Variants in ZNF549 observed in about 807,000 individuals in gnomAD.
ZNF549 encodes the protein zinc finger protein 549.
In ZNF549, 11 loss-of-function variants were observed where a neutral mutation model predicts 11.1. The ratio of observed to expected loss-of-function variants is 0.99; its 90% confidence interval spans 0.62 to 1.64. The LOEUF is 1.64. ZNF549 is among the 40% of genes most tolerant of loss of function. The pLI, the probability that ZNF549 is intolerant of heterozygous loss-of-function variation, is 0.00. For synonymous variants in ZNF549, 266 were observed against 269.1 expected, an observed-to-expected ratio of 0.99 and a Z score of 0.11; for missense variants, 748 against 765.1, an observed-to-expected ratio of 0.98 and a Z score of 0.26.
In ZNF549 at chr19:57,532,241, T is replaced by C. The variant is rs1319432336; in HGVS notation, c.72+1133T>C. ...AGATGTGTTTTATAACTGTGTATTG[T>C]AAACTGGGGAGTAAATGCCCTTCGT... On this transcript the variant is annotated intron_variant, in intron 2 of 3. Transcript: ENST00000376233. Among the ~76,000 whole-genome samples the C allele has an allele frequency of 3.9e-5, 6 of 152,322 alleles. No individual in the cohort carries two copies. In the East Asian group the frequency reaches 1.2e-3, roughly 29 times the overall value.
At chr19:57,536,863 G>A (rs73573432) in intron 3 of ZNF549, among the ~76,000 whole-genome samples, 2,220 of 152,302 alleles carry the variant, frequency 0.015, 51 homozygotes, top group African/African-American at 0.052. Context: ...GCTGAGGTGG[G>A]AGGATCACTT....
At position 57,539,673 on chromosome 19, in the gene ZNF549, G is replaced by A. The variant is rs1234665670; in HGVS notation, c.*746G>A. The A allele has an allele frequency of 6.6e-6, 1 of 152,136 alleles. No homozygotes were observed. Among genetic ancestry groups the A allele is most frequent in the Non-Finnish European group, 1.5e-5 (1 of 68,022 alleles). The allele number at this position is 152,136 out of a possible 1,614,324, so 9.4% of individuals were successfully genotyped here. A position where few individuals can be genotyped will look rare whatever the true frequency, so the allele number is the denominator to read the frequency against. ...GGCATTTGTGACAAACTCAAGTGCT[G>A]GGACCTGCATGAATTGTTTATTTGC... On this transcript the variant is annotated 3_prime_UTR_variant, in exon 4 of 4. Transcript: ENST00000376233.
chr19:57,532,074 TTTC>T (rs1401285155), intron 2 of ZNF549, among the ~76,000 whole-genome samples: 1 of 152,232 alleles, frequency 6.6e-6, no homozygotes, highest in African/African-American at 2.4e-5. Flanking sequence ...ATCTTGAGTA[TTTC>T]TTCTTTGTTC....
At chr19:57,536,501 T>C (rs1181627108) in intron 3 of ZNF549, among the ~76,000 whole-genome samples, 4 of 152,230 alleles carry the variant, frequency 2.6e-5, no homozygotes, top group Non-Finnish European at 4.4e-5. Context: ...AGTTCAACCA[T>C]TATAAATCAA....
chr19:57,535,842 CAG>C, intron 3 of ZNF549, among the ~76,000 whole-genome samples: 1 of 152,176 alleles, frequency 6.6e-6, no homozygotes, highest in East Asian at 1.9e-4. Context: ...AAGCTGGGGA[CAG>C]GGGAGAGGCC....
chr19:57,538,720 C>G lies in ZNF549; in HGVS notation c.1716C>G (p.Leu572=), dbSNP rs753469468. 4 of 1,614,096 alleles carry G rather than the reference C, an allele frequency of 2.5e-6. No individual in the cohort carries two copies. ...AATGCTTTAGACACCGCACCAGCCT[C>G]ATTCAACACCAGAAAGTTCACAGTG... ...CGKCFRHRTS[L]IQHQKVHSGE... is the part of the protein sequence containing the mutation. Residue 572 remains leucine, a synonymous_variant, in exon 4 of 4, where the codon CTC becomes CTG. Transcript: ENST00000376233.
In ZNF549 at chr19:57,539,148, G is replaced by A. The variant is rs559602438; in HGVS notation, c.*221G>A. The A allele has an allele frequency of 3.8e-4, 196 of 514,420 alleles. No individual in the cohort carries two copies. Among genetic ancestry groups the A allele is most frequent in the Admixed American group, 7.7e-4 (23 of 30,050 alleles). 31.9% of individuals were successfully genotyped at this position (514,420 alleles called of 1,614,324 possible). A position where few individuals can be genotyped will look rare whatever the true frequency, so the allele number is the denominator to read the frequency against. ...CACTACCATGTGGCATATCCTCACC[G>A]TTTTCATCAGTCACTCACATGTGCT... is the stretch of plus-strand genomic sequence containing the variant. On this transcript the variant is annotated 3_prime_UTR_variant, in exon 4 of 4. Coordinates refer to ENST00000376233, the MANE Select transcript of ZNF549 (RefSeq NM_001199295.2).
Position 57,539,051 on chromosome 19 carries a change from A to T in ZNF549, c.*124A>T. 8.7e-7 allele frequency: 1 copy of T among 1,154,446 alleles called. No individual in the cohort carries two copies. Among genetic ancestry groups the T allele is most frequent in the Non-Finnish European group, 1.2e-6 (1 of 827,976 alleles). 71.5% of individuals were successfully genotyped at this position (1,154,446 alleles called of 1,614,324 possible). On this transcript the variant is annotated 3_prime_UTR_variant, in exon 4 of 4. Coordinates refer to ENST00000376233, the MANE Select transcript of ZNF549 (RefSeq NM_001199295.2). ...CATATCACTAGTTGAAAGATTCACT[A>T]CAAGGTCCAAGTACTTGGGAAGCTT...
chr19:57,535,978 A>T (rs1434355577), intron 3 of ZNF549, among the ~76,000 whole-genome samples: 2 of 151,998 alleles, frequency 1.3e-5, no homozygotes, highest in African/African-American at 4.8e-5. Flanking sequence ...ATACCAGGCA[A>T]ATGTCCTATG....
Position 57,534,912 on chromosome 19 carries a change from G to A in ZNF549, c.73-232G>A, listed in dbSNP as rs535026799. ...GAGTATGGCTGTACTCAGGATCCTC[G>A]TACTGGCACTTTAAACCAAGATGGT... is the stretch of plus-strand genomic sequence containing the variant. On this transcript the variant is annotated intron_variant, in intron 2 of 3. Transcript: ENST00000376233. 1.2e-4 allele frequency among the ~76,000 whole-genome samples: 18 copies of A among 152,254 alleles called. No individual in the cohort carries two copies. In the East Asian group the frequency reaches 3.1e-3, roughly 26 times the overall value.
At chr19:57,535,465 T>C in intron 3 of ZNF549, 195 bp downstream of exon 3, 2 of 684,018 alleles carry the variant, frequency 2.9e-6, no homozygotes, top group Non-Finnish European at 4.6e-6. Flanking sequence ...CCTGAAGCCT[T>C]TTAGTTAAGA....
rs772005171 is a variant in ZNF549 at position 57,538,227 on chromosome 19, A to G, written c.1223A>G (p.His408Arg). The G allele has an allele frequency of 6.2e-7, 1 of 1,614,166 alleles. No individual in the cohort carries two copies. The highest frequency in any genetic ancestry group is 1.1e-5 in the South Asian group (1 of 91,082). ...TACAAACAGTCACTTCTTGATCACC[A>G]TAGAATCCACACGGGAGAAAGGCCT... Reference protein sequence around the residue: ...FIYKQSLLDHHRIHTGERPYE... With the variant: ...FIYKQSLLDHRRIHTGERPYE... Residue 408 changes from histidine to arginine, a missense_variant, in exon 4 of 4, where the codon CAT becomes CGT. Coordinates refer to ENST00000376233, the MANE Select transcript of ZNF549 (RefSeq NM_001199295.2).
At chr19:57,527,869 TGAG>T (rs899642357) in intron 1 of ZNF549, among the ~76,000 whole-genome samples, 3 of 151,962 alleles carry the variant, frequency 2.0e-5, no homozygotes, top group African/African-American at 4.8e-5. Flanking sequence ...GCAGAGAGAA[TGAG>T]GAGAAGAAGG....
chr19:57,528,863 C>T (rs1304064505), intron 1 of ZNF549, among the ~76,000 whole-genome samples: 1 of 152,202 alleles, frequency 6.6e-6, no homozygotes, highest in Non-Finnish European at 1.5e-5. Flanking sequence ...ACTCTGTGCT[C>T]TAATAAAAAA....
Position 57,539,049 on chromosome 19 carries a change from C to A in ZNF549, c.*122C>A. 1 of 1,162,104 alleles carries A rather than the reference C, an allele frequency of 8.6e-7. No homozygotes were observed. The highest frequency in any genetic ancestry group is 1.2e-6 in the Non-Finnish European group (1 of 834,268). 72.0% of individuals were successfully genotyped at this position (1,162,104 alleles called of 1,614,324 possible). A position where few individuals can be genotyped will look rare whatever the true frequency, so the allele number is the denominator to read the frequency against. Reference sequence around the variant, plus strand: ...TGCATATCACTAGTTGAAAGATTCACTACAAGGTCCAAGTACTTGGGAAGC... The same window carrying A: ...TGCATATCACTAGTTGAAAGATTCAATACAAGGTCCAAGTACTTGGGAAGC... On this transcript the variant is annotated 3_prime_UTR_variant, in exon 4 of 4. Transcript: ENST00000376233.
intron 1 of ZNF549, among the ~76,000 whole-genome samples, chr19:57,528,294 A>C (rs1162626043): frequency 2.0e-5 from 3 of 152,198 alleles, no homozygotes; most frequent in Admixed American, 2.0e-4. Context: ...GTGAGGGAGC[A>C]GGTTTCAGGG....
Position 57,540,345 on chromosome 19 carries a change from A to C in ZNF549, c.*1418A>C, listed in dbSNP as rs1384536363. The C allele has an allele frequency of 6.6e-6, 1 of 152,242 alleles. No individual in the cohort carries two copies. The highest frequency in any genetic ancestry group is 2.4e-5 in the African/African-American group (1 of 41,452). The allele number at this position is 152,242 out of a possible 1,614,324, so 9.4% of individuals were successfully genotyped here. ...TGTGTGGAACCATTTATCTTAAAAC[A>C]TTGAGGTGCAGTTTTCATACACAAA... On this transcript the variant is annotated 3_prime_UTR_variant, in exon 4 of 4. Transcript: ENST00000376233.
Position 57,539,121 on chromosome 19 carries a change from G to GACAC in ZNF549, c.*195_*198dup. ...TTCTAATCTGCCCAGTGTTACAACA[G>GACAC]ACACTACCATGTGGCATATCCTCAC... On this transcript the variant is annotated 3_prime_UTR_variant, in exon 4 of 4. Transcript: ENST00000376233. The GACAC allele has an allele frequency of 1.6e-6, 1 of 612,446 alleles. No individual in the cohort carries two copies. Among genetic ancestry groups the GACAC allele is most frequent in the Non-Finnish European group, 2.8e-6 (1 of 357,962 alleles). The allele number at this position is 612,446 out of a possible 1,614,324, so 37.9% of individuals were successfully genotyped here.
intron 3 of ZNF549, among the ~76,000 whole-genome samples, 160 bp from the exon 4 acceptor site, chr19:57,537,044 T>G (rs1402547768): frequency 6.6e-6 from 1 of 152,144 alleles, no homozygotes; most frequent in Non-Finnish European, 1.5e-5. Flanking sequence ...TGCAGTGAGA[T>G]ATGACTGCAA....
Sources: gnomAD v4.1 joint callset for allele counts (sites outside exome capture counted in the v4.1 genomes callset) on GRCh38, gnomAD v4.1.1 for gene constraint, MANE v1.5 for transcripts, NCBI Gene and HGNC (gene_info 2026-07-23, HGNC 2026-07-21) for gene names.